The following ELAVL2 variants were observed in gnomAD, a reference collection of about 807,000 sequenced individuals.
ELAVL2 encodes the protein ELAV like RNA binding protein 2.
Under a neutral mutation model 34.6 loss-of-function variants are expected in ELAVL2, and 4 were observed. The observed-to-expected ratio is 0.12, with a 90% CI of 0.06 to 0.26. The LOEUF is 0.26. ELAVL2 is among the 10% of genes least tolerant of loss of function. ELAVL2 has a pLI of 1.00. For synonymous variants in ELAVL2, 193 were observed against 154.8 expected (o/e 1.25, Z -1.83); for missense variants, 432 against 442.8 (o/e 0.98, Z 0.22).
At chr9:23,694,887 C>T (rs188066820) in intron 5 of ELAVL2, among the ~76,000 whole-genome samples, 29 of 151,158 alleles carry the variant, frequency 1.9e-4, no homozygotes, top group Admixed American at 4.6e-4. Context: ...TGTGTGTGTG[C>T]GTGCCTTGAC....
chr9:23,827,340 T>TC (rs1455176793), upstream of ELAVL2, among the ~76,000 whole-genome samples: 7 of 152,180 alleles, frequency 4.6e-5, no homozygotes, highest in African/African-American at 1.4e-4. Context: ...TTAACAGCAT[T>TC]CAGGAGACCA....
rs913623069 is a variant in ELAVL2 at position 23,691,373 on chromosome 9, G to C, written c.*1184C>G. 1 of 152,536 alleles carries C rather than the reference G, an allele frequency of 6.6e-6. No homozygotes were observed. Among genetic ancestry groups the C allele is most frequent in the Non-Finnish European group, 1.5e-5 (1 of 67,996 alleles). 9.4% of individuals were successfully genotyped at this position (152,536 alleles called of 1,614,324 possible). ...AATACCTTCAAATATATCCAACTCA[G>C]ATCACTTTTGCTGATTTGCTGCAGT... On this transcript the variant is annotated 3_prime_UTR_variant, in exon 7 of 7. Transcript: ENST00000397312.
intron 2 of ELAVL2, among the ~76,000 whole-genome samples, chr9:23,745,408 G>A (rs1323557398): frequency 1.3e-5 from 2 of 152,044 alleles, no homozygotes; most frequent in Non-Finnish European, 2.9e-5. Context: ...TTCACTTTAA[G>A]CTACCTGAAC....
intron 3 of ELAVL2, among the ~76,000 whole-genome samples, chr9:23,728,533 A>G (rs1420572587): frequency 6.6e-6 from 1 of 151,708 alleles, no homozygotes. Flanking sequence ...AACACCATAG[A>G]GTTTTGAGTG....
At chr9:23,749,131 AATTTT>A (rs1408769544) in intron 2 of ELAVL2, among the ~76,000 whole-genome samples, 2 of 152,020 alleles carry the variant, frequency 1.3e-5, no homozygotes, top group Non-Finnish European at 2.9e-5. Flanking sequence ...TCAAATGATA[AATTTT>A]ATGTTATATT....
intron 1 of ELAVL2, among the ~76,000 whole-genome samples, chr9:23,796,830 T>C (rs1447067944): frequency 1.3e-5 from 2 of 152,238 alleles, no homozygotes; most frequent in Non-Finnish European, 2.9e-5. Flanking sequence ...TAGGTTATTC[T>C]ACTGATTCAA....
chr9:23,784,440 C>T lies in ELAVL2; in HGVS notation c.-15-22191G>A, dbSNP rs1478560661. ...TGAGATCTAAAGATAAACATGACTA[C>T]ATATATGTAATACTTGGTCTTTGGA... On this transcript the variant is annotated intron_variant, in intron 1 of 6. Coordinates refer to ENST00000397312, the MANE Select transcript of ELAVL2 (RefSeq NM_004432.5). 2.0e-5 allele frequency among the ~76,000 whole-genome samples: 3 copies of T among 152,128 alleles called. No individual in the cohort carries two copies. In the East Asian group the frequency reaches 5.8e-4, roughly 29 times the overall value.
intron 1 of ELAVL2, among the ~76,000 whole-genome samples, chr9:23,816,758 T>C (rs1301402605): frequency 1.3e-5 from 2 of 152,188 alleles, no homozygotes; most frequent in Non-Finnish European, 2.9e-5. Flanking sequence ...ACTCAGGCAA[T>C]GGATCATGAG....
At chr9:23,844,547 C>T in the ELAVL2 span, among the ~76,000 whole-genome samples, 5 of 151,880 alleles carry the variant, frequency 3.3e-5, no homozygotes, top group African/African-American at 4.8e-5. Context: ...AACAAAGGAT[C>T]GTGGTAGTAT....
intron 3 of ELAVL2, among the ~76,000 whole-genome samples, chr9:23,722,804 C>T (rs1028459280): frequency 1.5e-4 from 23 of 152,112 alleles, no homozygotes; most frequent in Non-Finnish European, 1.3e-4. Flanking sequence ...TGTTTCTGCA[C>T]GAATTCAAAA....
chr9:23,693,665 G>C (rs1350428502), intron 5 of ELAVL2, among the ~76,000 whole-genome samples, 179 bp from the exon 6 acceptor site: 1 of 152,200 alleles, frequency 6.6e-6, no homozygotes, highest in Non-Finnish European at 1.5e-5. Flanking sequence ...CCACAGGACA[G>C]TTCTTCCAAT....
chr9:23,756,234 T>A (rs886646979), intron 2 of ELAVL2, among the ~76,000 whole-genome samples: 3 of 152,188 alleles, frequency 2.0e-5, no homozygotes, highest in Non-Finnish European at 4.4e-5. Flanking sequence ...ATAAAAAATA[T>A]TTTAAGATAC....
At chr9:23,714,368 C>T (rs961633962) in intron 3 of ELAVL2, among the ~76,000 whole-genome samples, 1 of 152,146 alleles carries the variant, frequency 6.6e-6, no homozygotes, top group Admixed American at 6.5e-5. Flanking sequence ...CTTCCAAATC[C>T]ATGGTGATAA....
chr9:23,722,743 G>C (rs1170275303), intron 3 of ELAVL2, among the ~76,000 whole-genome samples: 1 of 152,228 alleles, frequency 6.6e-6, no homozygotes, highest in African/African-American at 2.4e-5. Flanking sequence ...CTTTTAACCT[G>C]AGCTTTATTT....
intron 1 of ELAVL2, among the ~76,000 whole-genome samples, chr9:23,819,519 G>A (rs1338283701): frequency 6.6e-6 from 1 of 152,144 alleles, no homozygotes; most frequent in African/African-American, 2.4e-5. Context: ...GAACCACAGG[G>A]AAAGTGTGTG....
chr9:23,741,436 A>G (rs867444618), intron 2 of ELAVL2, among the ~76,000 whole-genome samples: 2 of 152,152 alleles, frequency 1.3e-5, no homozygotes, highest in Admixed American at 6.5e-5. Flanking sequence ...GAGCAGATGC[A>G]GATGTAAGAC....
the ELAVL2 span, among the ~76,000 whole-genome samples, chr9:23,838,385 G>A: frequency 6.6e-6 from 1 of 152,114 alleles, no homozygotes; most frequent in Non-Finnish European, 1.5e-5. Context: ...GTAAGGACCA[G>A]TGACCTCTTA....
At chr9:23,777,727 A>G (rs540008494) in intron 1 of ELAVL2, among the ~76,000 whole-genome samples, 9 of 152,336 alleles carry the variant, frequency 5.9e-5, no homozygotes, top group African/African-American at 2.2e-4. Flanking sequence ...TTTGCCTGCC[A>G]TCAATTAAGG....
chr9:23,730,668 A>C (rs2134495447), intron 3 of ELAVL2, among the ~76,000 whole-genome samples: 1 of 152,190 alleles, frequency 6.6e-6, no homozygotes, highest in East Asian at 1.9e-4. Context: ...CATGGCTCGC[A>C]AAACCTTGCT....
Sources: allele counts gnomAD v4.1 joint callset (sites outside exome capture counted in the v4.1 genomes callset), GRCh38; gene constraint gnomAD v4.1.1; transcripts MANE v1.5; gene names NCBI Gene and HGNC (gene_info 2026-07-23, HGNC 2026-07-21).